Variants in PDE1C observed in about 807,000 individuals in gnomAD.
The protein encoded by PDE1C is phosphodiesterase 1C.
Under a neutral mutation model 93.1 loss-of-function variants are expected in PDE1C, and 62 were observed. That is an observed-to-expected ratio of 0.67 (90% confidence interval 0.54 to 0.82). The LOEUF is 0.82. Among genes scored for constraint, PDE1C ranks in the 40% least tolerant of loss-of-function variants. The pLI, the probability that PDE1C is intolerant of heterozygous loss-of-function variation, is 0.00. For missense variants in PDE1C, 742 were observed against 884.6 expected, an observed-to-expected ratio of 0.84 and a Z score of 2.04; for synonymous variants, 325 against 310.1, an observed-to-expected ratio of 1.05 and a Z score of -0.50.
At position 31,816,118 on chromosome 7, in the gene PDE1C, C is replaced by T. The variant is rs754747288; in HGVS notation, c.1619G>A (p.Arg540His). The T allele has an allele frequency of 1.3e-5, 21 of 1,613,802 alleles. No homozygotes were observed. Among genetic ancestry groups the T allele is most frequent in the East Asian group, 4.5e-5 (2 of 44,850 alleles). Residue 540 changes from arginine to histidine, a missense_variant, in exon 15 of 18, where the codon CGC becomes CAC. Coordinates refer to ENST00000396191, the MANE Select transcript of PDE1C (RefSeq NM_001191057.4). ...KAKKEAEEKA[R>H]LAAEEQQKEM... ...CTTTTGCTGCTCCTCTGCGGCCAGG[C>T]GAGCCTTTTCCTCTGCTTCCTTCTT...
intron 1 of PDE1C, among the ~76,000 whole-genome samples, chr7:32,381,228 G>C (rs1335915486): frequency 6.6e-6 from 1 of 151,554 alleles, no homozygotes; most frequent in African/African-American, 2.4e-5. Flanking sequence ...GTCTTCTCTA[G>C]TCCAAGCCAG....
intron 1 of PDE1C, among the ~76,000 whole-genome samples, chr7:32,379,468 G>T (rs1784492819): frequency 1.3e-5 from 2 of 152,282 alleles, no homozygotes; most frequent in South Asian, 4.2e-4. Context: ...GTTATTTGAA[G>T]GGCCATGCTT....
At chr7:31,797,900 C>T (rs1785505826) in intron 16 of PDE1C, among the ~76,000 whole-genome samples, 1 of 151,722 alleles carries the variant, frequency 6.6e-6, no homozygotes, top group African/African-American at 2.4e-5. Context: ...GGCTAAAAAA[C>T]AGGCAAGAAA....
chr7:32,158,204 T>C (rs1454025494), intron 3 of PDE1C, among the ~76,000 whole-genome samples: 1 of 152,220 alleles, frequency 6.6e-6, no homozygotes, highest in Admixed American at 6.5e-5. Context: ...GACATATTCC[T>C]ATTTCTGACT....
chr7:31,904,753 G>A (rs1045672172), intron 2 of PDE1C, among the ~76,000 whole-genome samples: 2 of 151,938 alleles, frequency 1.3e-5, no homozygotes, highest in African/African-American at 2.4e-5. Flanking sequence ...TATCCTCTAT[G>A]TTTCATGCCT....
chr7:32,338,681 C>T (rs1239527642), intron 1 of PDE1C, among the ~76,000 whole-genome samples: 1 of 152,130 alleles, frequency 6.6e-6, no homozygotes, highest in Non-Finnish European at 1.5e-5. Context: ...TATTTGTATA[C>T]CCATGTTCCT....
chr7:31,771,425 G>A (rs188836527), intron 17 of PDE1C, among the ~76,000 whole-genome samples: 1 of 152,340 alleles, frequency 6.6e-6, no homozygotes, highest in Admixed American at 6.5e-5. Flanking sequence ...CCTAATGGGT[G>A]TGAAGTGGCA....
At chr7:31,972,316 C>T (rs1244138587) in intron 2 of PDE1C, among the ~76,000 whole-genome samples, 1 of 152,176 alleles carries the variant, frequency 6.6e-6, no homozygotes, top group African/African-American at 2.4e-5. Flanking sequence ...AAAGGCCGCA[C>T]CCCAATTACA....
chr7:32,027,334 A>G (rs1464416147), intron 2 of PDE1C, among the ~76,000 whole-genome samples: 3 of 152,042 alleles, frequency 2.0e-5, no homozygotes, highest in Non-Finnish European at 4.4e-5. Flanking sequence ...CTGCTCTACA[A>G]AATAAAGCCT....
intron 1 of PDE1C, among the ~76,000 whole-genome samples, chr7:32,335,078 T>C (rs1375926381): frequency 1.3e-5 from 2 of 152,236 alleles, no homozygotes; most frequent in South Asian, 2.1e-4. Context: ...ACGAACATCA[T>C]GTAATCTAAC....
intron 1 of PDE1C, among the ~76,000 whole-genome samples, chr7:32,310,336 G>T (rs144103603): frequency 0.21 from 32,137 of 152,030 alleles, 4,465 homozygotes; most frequent in Admixed American, 0.34. Context: ...ACATTAGACC[G>T]ATCAATGAGA....
intron 16 of PDE1C, chr7:31,787,204 C>G (rs1417098704): frequency 6.6e-6 from 1 of 152,100 alleles, no homozygotes; most frequent in African/African-American, 2.4e-5. Context: ...TGAATGAACA[C>G]GTGCACTAGG....
intron 7 of PDE1C, among the ~76,000 whole-genome samples, chr7:31,860,561 C>T (rs989664698): frequency 4.6e-5 from 7 of 152,050 alleles, no homozygotes; most frequent in East Asian, 3.9e-4. Context: ...ATTGCCTGCT[C>T]ATACTGTTTG....
the PDE1C span, among the ~76,000 whole-genome samples, chr7:31,620,797 C>T: frequency 3.7e-4 from 57 of 152,152 alleles, no homozygotes; most frequent in East Asian, 1.2e-3. Context: ...AGACATCAGA[C>T]GATCAAACTA....
the PDE1C span, among the ~76,000 whole-genome samples, chr7:31,675,704 AAAT>A: frequency 6.6e-6 from 1 of 151,376 alleles, no homozygotes; most frequent in African/African-American, 2.4e-5. Flanking sequence ...TATAATAAAT[AAAT>A]ATTATTAAAA....
chr7:31,719,978 A>C, the PDE1C span, among the ~76,000 whole-genome samples: 5 of 150,682 alleles, frequency 3.3e-5, no homozygotes, highest in Non-Finnish European at 7.4e-5. Context: ...CTGGCTAACA[A>C]GGTGAAACCC....
chr7:32,222,863 T>A (rs1309304410), intron 1 of PDE1C, among the ~76,000 whole-genome samples: 1 of 152,170 alleles, frequency 6.6e-6, no homozygotes, highest in Non-Finnish European at 1.5e-5. Context: ...ATGGAACCAC[T>A]TTCCCCCTAC....
chr7:31,643,622 G>T, the PDE1C span: 76 of 1,613,848 alleles, frequency 4.7e-5, 1 homozygote, highest in Non-Finnish European at 6.2e-5. Context: ...ACAAGACTGG[G>T]GACAAAAGCA....
intron 1 of PDE1C, among the ~76,000 whole-genome samples, chr7:32,263,781 GTTCCTCA>G (rs1483247623): frequency 6.6e-6 from 1 of 151,986 alleles, no homozygotes; most frequent in Admixed American, 6.6e-5. Flanking sequence ...ATAAGAGAAT[GTTCCTCA>G]TTTTATGTGT....
Sources: allele counts gnomAD v4.1 joint callset (sites outside exome capture counted in the v4.1 genomes callset), GRCh38; gene constraint gnomAD v4.1.1; transcripts MANE v1.5; gene names NCBI Gene and HGNC (gene_info 2026-07-23, HGNC 2026-07-21).